IL17RB: variants seen among roughly 807,000 people sequenced by gnomAD.
IL17RB encodes the protein interleukin 17 receptor B, also known as interleukin-17 receptor B.
IL17RB carries 36 observed loss-of-function variants against 43.9 expected under a neutral mutation model. The ratio of observed to expected loss-of-function variants is 0.82; its 90% CI spans 0.63 to 1.08. The LOEUF is 1.08. Among genes scored for constraint, IL17RB ranks in the 50% least tolerant of loss-of-function variants. The pLI, the probability that IL17RB is intolerant of heterozygous loss-of-function variation, is 0.00. For missense variants in IL17RB, 613 were observed against 613.6 expected (o/e 1.00, Z 0.01); for synonymous variants, 225 against 225.4 (o/e 1.00, Z 0.02).
In IL17RB at chr3:53,864,882, T is replaced by A. The variant is rs1047441627; in HGVS notation, c.1083T>A (p.Ser361Arg). Reference sequence around the variant, plus strand: ...AATTTCTTCAAAACCATTGCAGAAGTGAGGTCATCCTTGAAAAGTGGCAGA... The same window carrying A: ...AATTTCTTCAAAACCATTGCAGAAGAGAGGTCATCCTTGAAAAGTGGCAGA... Reference protein sequence around the residue: ...FTEFLQNHCRSEVILEKWQKK... With the variant: ...FTEFLQNHCRREVILEKWQKK... The change falls in exon 11 of 11, where the codon AGT (serine) becomes AGA (arginine). Residue 361 changes from serine to arginine, a missense_variant. By Grantham distance (110) the Ser-to-Arg change is moderately radical. Transcript: ENST00000288167. 16 of 1,614,054 alleles carry A rather than the reference T, an allele frequency of 9.9e-6. No homozygotes were observed. In the Admixed American group the frequency reaches 1.0e-4, roughly 10 times the overall value.
At chr3:53,850,702 G>A (rs1203274871) in intron 3 of IL17RB, among the ~76,000 whole-genome samples, 1 of 152,218 alleles carries the variant, frequency 6.6e-6, no homozygotes, top group African/African-American at 2.4e-5. Context: ...CTACTTGGGA[G>A]GCTGAGGCAG....
intron 4 of IL17RB, among the ~76,000 whole-genome samples, chr3:53,852,412 G>A (rs1442102691): frequency 6.6e-6 from 1 of 152,142 alleles, no homozygotes; most frequent in African/African-American, 2.4e-5. Flanking sequence ...TGGGATTACA[G>A]GTATGAGCCA....
chr3:53,850,829 A>G (rs115525737), intron 3 of IL17RB, among the ~76,000 whole-genome samples: 10 of 145,242 alleles, frequency 6.9e-5, no homozygotes, highest in South Asian at 2.1e-4. Flanking sequence ...ATAAAATAAA[A>G]GTCAGGGTAG....
rs777825043 is a variant in IL17RB at position 53,855,276 on chromosome 3, T to C, written c.482-18T>C. 8.8e-6 allele frequency: 14 copies of C among 1,591,300 alleles called. No homozygotes were observed. Among genetic ancestry groups the C allele is most frequent in the Non-Finnish European group, 1.2e-5 (14 of 1,161,360 alleles). On this transcript the variant is annotated intron_variant, in intron 5 of 10. Coordinates refer to ENST00000288167, the MANE Select transcript of IL17RB (RefSeq NM_018725.4). ...ATACCTTTTTCTAAAATGTAAAAAC[T>C]TTCATTCAAATTTCCAGGCTGCCTA...
intron 10 of IL17RB, chr3:53,861,519 AG>A (rs1188036467): frequency 6.6e-6 from 1 of 152,230 alleles, no homozygotes; most frequent in Non-Finnish European, 1.5e-5. Context: ...TTGAAAATGT[AG>A]CTTTTATGTG....
chr3:53,849,930 C>T (rs1699074123), intron 3 of IL17RB, 135 bp downstream of exon 3: 3 of 745,444 alleles, frequency 4.0e-6, no homozygotes, highest in Admixed American at 3.4e-5. Context: ...AAGCCACATA[C>T]TAGGGTGATC....
Position 53,865,509 on chromosome 3 carries a change from G to A in IL17RB, c.*201G>A. ...TGGAAACTACATTTACAACTTCAAAGCTGTTTTATACATAGAAATCAATTA... is the reference window on the plus strand; with the variant it reads ...TGGAAACTACATTTACAACTTCAAAACTGTTTTATACATAGAAATCAATTA... On this transcript the variant is annotated 3_prime_UTR_variant, in exon 11 of 11. Coordinates refer to ENST00000288167, the MANE Select transcript of IL17RB (RefSeq NM_018725.4). The A allele has an allele frequency of 3.8e-6, 2 of 531,538 alleles. No individual in the cohort carries two copies. The highest frequency in any genetic ancestry group is 1.9e-5 in the African/African-American group (1 of 52,814). 32.9% of individuals were successfully genotyped at this position (531,538 alleles called of 1,614,324 possible).
In IL17RB at chr3:53,847,963, C is replaced by T. The variant is rs28385736; in HGVS notation, c.61-701C>T. Reference sequence around the variant, plus strand: ...AGCAGCATATTCCAGAGCTGCTGGACGTATCACATTGAGTCTTGTCATTTG... The same window carrying T: ...AGCAGCATATTCCAGAGCTGCTGGATGTATCACATTGAGTCTTGTCATTTG... On this transcript the variant is annotated intron_variant, in intron 1 of 10. Coordinates refer to ENST00000288167, the MANE Select transcript of IL17RB (RefSeq NM_018725.4). Among the ~76,000 whole-genome samples, 1,381 of 152,292 alleles carry T rather than the reference C, an allele frequency of 9.1e-3. 24 individuals are homozygous for T. Among genetic ancestry groups the T allele is most frequent in the African/African-American group, 0.031 (1,287 of 41,540 alleles).
intron 4 of IL17RB, 108 bp from the exon 5 acceptor site, chr3:53,852,763 T>C: frequency 9.5e-7 from 1 of 1,058,152 alleles, no homozygotes; most frequent in Non-Finnish European, 1.4e-6. Flanking sequence ...GACCTAAGTT[T>C]TCACAGAGTG....
Position 53,850,849 on chromosome 3 carries a change from C to T in IL17RB, c.226+1054C>T, listed in dbSNP as rs117339725. On this transcript the variant is annotated intron_variant, in intron 3 of 10. Coordinates refer to ENST00000288167, the MANE Select transcript of IL17RB (RefSeq NM_018725.4). ...ATAAAAGTCAGGGTAGTGGTTCCTG[C>T]TGGGGTAGGAATAACTGTAAGGAAG... is the stretch of plus-strand genomic sequence containing the variant. Among the ~76,000 whole-genome samples, 1,109 of 152,110 alleles carry T rather than the reference C, an allele frequency of 7.3e-3. 26 individuals carry two copies. In the East Asian group the frequency reaches 0.097, roughly 13 times the overall value.
chr3:53,863,968 G>A (rs1243298704), intron 10 of IL17RB, among the ~76,000 whole-genome samples: 1 of 151,896 alleles, frequency 6.6e-6, no homozygotes, highest in Non-Finnish European at 1.5e-5. Flanking sequence ...GACCACAGAT[G>A]CATGCCATCA....
chr3:53,865,018 A>G lies in IL17RB; in HGVS notation c.1219A>G (p.Thr407Ala), dbSNP rs1699731043. 1 of 1,614,202 alleles carries G rather than the reference A, an allele frequency of 6.2e-7. No homozygotes were observed. The highest frequency in any genetic ancestry group is 1.3e-5 in the African/African-American group (1 of 75,046). ...TGACGTCAACAGTGTGTGCGATGGTACCTGTGGCAAGAGCGAGGGCAGTCC... is the reference window on the plus strand; with the variant it reads ...TGACGTCAACAGTGTGTGCGATGGTGCCTGTGGCAAGAGCGAGGGCAGTCC... ...SNDVNSVCDG[T>A]CGKSEGSPSE... The change falls in exon 11 of 11, where the codon ACC becomes GCC. Residue 407 changes from threonine to alanine, a missense_variant. Thr to Ala is a moderately conservative substitution (Grantham distance 58, BLOSUM62 0). Transcript: ENST00000288167.
At chr3:53,857,257 G>A (rs1371827976) in intron 7 of IL17RB, among the ~76,000 whole-genome samples, 3 of 152,130 alleles carry the variant, frequency 2.0e-5, no homozygotes, top group African/African-American at 7.2e-5. Flanking sequence ...TGGAAGCCTC[G>A]AAATCTGCTC....
At chr3:53,857,834 G>A (rs1049114779) in intron 8 of IL17RB, 144 bp downstream of exon 8, 9 of 729,736 alleles carry the variant, frequency 1.2e-5, no homozygotes, top group Middle Eastern at 7.1e-4. Flanking sequence ...GGGCTCTTTC[G>A]CTGCAGCCTC....
Position 53,856,951 on chromosome 3 carries a change from C to T in IL17RB, c.637C>T (p.His213Tyr). Residue 213 changes from histidine to tyrosine, a missense_variant, in exon 7 of 11, where the codon CAC becomes TAC. By Grantham distance (83) the His-to-Tyr change is moderately conservative. Transcript: ENST00000288167. ...LGNRYMALIQ[H>Y]STIIGFSQVF... ...AAACAGATACATGGCTCTTATCCAA[C>T]ACAGCACTATCATCGGGTTTTCTCA... 1 of 1,614,134 alleles carries T rather than the reference C, an allele frequency of 6.2e-7. No homozygotes were observed. Among genetic ancestry groups the T allele is most frequent in the Non-Finnish European group, 8.5e-7 (1 of 1,180,006 alleles).
chr3:53,854,499 A>G (rs1423977206), intron 5 of IL17RB, among the ~76,000 whole-genome samples: 1 of 152,350 alleles, frequency 6.6e-6, no homozygotes, highest in East Asian at 1.9e-4. Flanking sequence ...AGTTCTGACC[A>G]GGCATCCTGT....
At position 53,846,628 on chromosome 3, in the gene IL17RB, A is replaced by T; in HGVS notation, c.40A>T (p.Ser14Cys). Residue 14 changes from serine (S) to cysteine (C), a missense_variant, in exon 1 of 11, where the codon AGC (serine) becomes TGC (cysteine). By Grantham distance (112) the Ser-to-Cys change is moderately radical. Coordinates refer to ENST00000288167, the MANE Select transcript of IL17RB (RefSeq NM_018725.4). ...VLLSLAALCR[S>C]AVPREPTVQC... ...GCTAAGCCTGGCCGCGCTGTGCAGG[A>T]GCGCCGTACCCCGAGAGCCGGTAAG... 6.3e-7 allele frequency: 1 copy of T among 1,593,102 alleles called. No homozygotes were observed. Among genetic ancestry groups the T allele is most frequent in the Non-Finnish European group, 8.5e-7 (1 of 1,172,954 alleles).
chr3:53,861,545 G>T (rs1699565040), intron 10 of IL17RB: 1 of 152,158 alleles, frequency 6.6e-6, no homozygotes, highest in African/African-American at 2.4e-5. Context: ...CAGGATTGCT[G>T]TAAGAAAGGC....
rs1219079320 is a variant in IL17RB, at chr3:53,864,721, A to G, written c.947-25A>G. 4 of 1,539,668 alleles carry G rather than the reference A, an allele frequency of 2.6e-6. 1 individual carries two copies. The South Asian group carries it at 4.7e-5, about 18-fold the overall frequency. The stretch of plus-strand genomic sequence containing the variant: ...AGCCTGCTGTTTGCTGTTCACAGAT[A>G]ACAAATGCTTTTCTCCTCTCACAGA... On this transcript the variant is annotated intron_variant, in intron 10 of 10. Coordinates refer to ENST00000288167, the MANE Select transcript of IL17RB (RefSeq NM_018725.4).
Sources: allele counts gnomAD v4.1 joint callset (sites outside exome capture counted in the v4.1 genomes callset), GRCh38; gene constraint gnomAD v4.1.1; transcripts MANE v1.5; gene names NCBI Gene and HGNC (gene_info 2026-07-23, HGNC 2026-07-21).